ARHGEF6: variants seen among roughly 807,000 people sequenced by gnomAD.
The protein encoded by ARHGEF6 is rho guanine nucleotide exchange factor 6.
In ARHGEF6, 9 loss-of-function variants were observed where a neutral mutation model predicts 70.3. That is an observed-to-expected ratio of 0.13 (90% CI 0.08 to 0.22). The LOEUF is 0.22. ARHGEF6 is among the 10% of genes least tolerant of loss of function. ARHGEF6 has a pLI of 1.00. For missense variants in ARHGEF6, 470 were observed against 563.0 expected, an observed-to-expected ratio of 0.83 and a Z score of 1.67; for synonymous variants, 201 against 207.8, an observed-to-expected ratio of 0.97 and a Z score of 0.28.
Position 136,763,909 on chromosome X carries a change from A to G in ARHGEF6, c.249+15505T>C, listed in dbSNP as rs1160343196. On this transcript the variant is annotated intron_variant, in intron 2 of 21. Transcript: ENST00000250617. ...TCTGAGACTAGCAGATGTGTTCACA[A>G]AAAAAAACAAAGCAAGGGTGGACGA... is the stretch of plus-strand genomic sequence containing the variant. Among the ~76,000 whole-genome samples, 4 of 111,687 alleles carry G rather than the reference A, an allele frequency of 3.6e-5. No individual in the cohort carries two copies. In the Admixed American group the frequency reaches 3.8e-4, roughly 11 times the overall value.
chrX:136,759,056 C>T (rs2077239637), intron 2 of ARHGEF6, among the ~76,000 whole-genome samples: 2 of 112,060 alleles, frequency 1.8e-5, no homozygotes, highest in Non-Finnish European at 3.8e-5. Context: ...TGCCCCAATA[C>T]ACAACACACT....
intron 6 of ARHGEF6, among the ~76,000 whole-genome samples, chrX:136,718,418 G>A (rs185974911): frequency 3.4e-4 from 38 of 110,807 alleles, no homozygotes; most frequent in African/African-American, 9.1e-4. Context: ...CAGTGGAAGC[G>A]TTCTCCCTTC....
intron 10 of ARHGEF6, among the ~76,000 whole-genome samples, chrX:136,688,974 G>A (rs1429456109): frequency 9.0e-6 from 1 of 111,335 alleles, no homozygotes; most frequent in Non-Finnish European, 1.9e-5. Context: ...TAGGGGATAT[G>A]TCCTTTGGAA....
intron 6 of ARHGEF6, among the ~76,000 whole-genome samples, chrX:136,718,908 AGTTGTAAACTATT>A (rs1451720187): frequency 9.3e-6 from 1 of 107,444 alleles, no homozygotes; most frequent in Non-Finnish European, 1.9e-5. Context: ...AGGCCATCAT[AGTTGTAAACTATT>A]GTTGTAAACT....
chrX:136,688,955 AT>A lies in ARHGEF6; in HGVS notation c.1186-965del, dbSNP rs754764181. Among the ~76,000 whole-genome samples the A allele has an allele frequency of 1.3e-4, 14 of 111,328 alleles. No individual in the cohort carries two copies. The South Asian group carries it at 5.1e-3, about 40-fold the overall frequency. On this transcript the variant is annotated intron_variant, in intron 10 of 21. Transcript: ENST00000250617. Reference sequence around the variant, plus strand: ...TCTTATGGGTAGATGTGCACCTAACATTGGGGCATAGGGGATATGTCCTTTG... The same window carrying A: ...TCTTATGGGTAGATGTGCACCTAACATGGGGCATAGGGGATATGTCCTTTG...
At chrX:136,670,157 C>T (rs1006035618) in intron 20 of ARHGEF6, among the ~76,000 whole-genome samples, 26 of 111,989 alleles carry the variant, frequency 2.3e-4, no homozygotes, top group Admixed American at 7.5e-4. Flanking sequence ...ATAACCAATG[C>T]ACATCTTCCC....
At chrX:136,739,758 T>C (rs1471214570) in intron 5 of ARHGEF6, among the ~76,000 whole-genome samples, 1 of 110,544 alleles carries the variant, frequency 9.0e-6, no homozygotes, top group Non-Finnish European at 1.9e-5. Context: ...CTGAAGGAGA[T>C]GAGGGAGCCA....
At chrX:136,734,264 G>A (rs1241112473) in intron 5 of ARHGEF6, among the ~76,000 whole-genome samples, 1 of 111,572 alleles carries the variant, frequency 9.0e-6, no homozygotes, top group African/African-American at 3.3e-5. Flanking sequence ...ATCCACTGGT[G>A]GTTCATAAGG....
intron 20 of ARHGEF6, 144 bp from the exon 21 acceptor site, chrX:136,669,680 A>C (rs1033565160): frequency 2.0e-5 from 10 of 489,334 alleles, no homozygotes; most frequent in African/African-American, 1.9e-4. Context: ...ACTGCTCTAA[A>C]TGGTTTCCAT....
chrX:136,744,199 C>A (rs1008722737), intron 4 of ARHGEF6, among the ~76,000 whole-genome samples: 1 of 111,999 alleles, frequency 8.9e-6, no homozygotes, highest in African/African-American at 3.2e-5. Context: ...AACCTACCCT[C>A]CATAAAATCT....
At chrX:136,677,594 T>C (rs1408962673) in intron 17 of ARHGEF6, among the ~76,000 whole-genome samples, 3 of 111,506 alleles carry the variant, frequency 2.7e-5, no homozygotes, top group Non-Finnish European at 5.6e-5. Flanking sequence ...CTTAAAAATA[T>C]AGGAAACAAA....
chrX:136,669,664 A>G, intron 20 of ARHGEF6, 128 bp from the exon 21 acceptor site: 1 of 545,727 alleles, frequency 1.8e-6, no homozygotes, highest in Non-Finnish European at 3.2e-6. Context: ...GCTGATTGGG[A>G]ATGGTACTGC....
intron 9 of ARHGEF6, among the ~76,000 whole-genome samples, chrX:136,706,196 G>A (rs955580307): frequency 8.9e-6 from 1 of 111,968 alleles, no homozygotes; most frequent in Non-Finnish European, 1.9e-5. Flanking sequence ...CAGGAGAGGT[G>A]TAACACTTAT....
At chrX:136,731,608 C>T (rs190284336) in intron 6 of ARHGEF6, among the ~76,000 whole-genome samples, 2 of 112,335 alleles carry the variant, frequency 1.8e-5, no homozygotes, top group Non-Finnish European at 3.8e-5. Context: ...TAAGCCAGAG[C>T]CATGTCATTC....
At chrX:136,767,684 C>A in intron 2 of ARHGEF6, 1 of 754,511 alleles carries the variant, frequency 1.3e-6, no homozygotes, top group Middle Eastern at 7.6e-4. Context: ...TTCTCCAGAC[C>A]ACGCTCAGCT....
Position 136,681,904 on chromosome X carries a change from G to A in ARHGEF6, c.1544C>T (p.Thr515Ile), listed in dbSNP as rs766658708. 8.3e-7 allele frequency: 1 copy of A among 1,205,806 alleles called. No homozygotes were observed. The highest frequency in any genetic ancestry group is 3.0e-5 in the East Asian group (1 of 33,835). Residue 515 changes from threonine to isoleucine, a missense_variant, in exon 14 of 22, where the codon ACA (threonine) becomes ATA (isoleucine). Thr to Ile is a moderately conservative substitution (Grantham distance 89, BLOSUM62 -1). Around this residue, in one of 3 missense-constraint regions of ARHGEF6, gnomAD observed 379 missense variants for 449.3 expected, o/e 0.84. Coordinates refer to ENST00000250617, the MANE Select transcript of ARHGEF6 (RefSeq NM_004840.3). ...AAATTACCTACCAGTGATTTCAAAT[G>A]TGCAGTCATTCCCTTCAATTTCATC... is the stretch of plus-strand genomic sequence containing the variant. ...RLDEIEGNDC[T>I]FEITGNTVER... is the part of the protein sequence containing the mutation.
At chrX:136,690,803 T>G in intron 9 of ARHGEF6, 55 bp from the exon 10 acceptor site, 4 of 1,139,270 alleles carry the variant, frequency 3.5e-6, no homozygotes, top group Non-Finnish European at 4.8e-6. Flanking sequence ...TGTAAAGAAT[T>G]ATCAACCTAA....
chrX:136,712,860 T>C (rs2076700864), intron 7 of ARHGEF6, among the ~76,000 whole-genome samples: 2 of 112,358 alleles, frequency 1.8e-5, no homozygotes, highest in Non-Finnish European at 3.8e-5. Context: ...AATGCCATAC[T>C]CTTTCCATTC....
chrX:136,731,024 G>C (rs144985939), intron 6 of ARHGEF6, among the ~76,000 whole-genome samples: 1 of 111,719 alleles, frequency 9.0e-6, no homozygotes, highest in African/African-American at 3.2e-5. Context: ...AAAGCTAAAA[G>C]AATTGGTCAG....
Sources: gnomAD v4.1 joint callset for allele counts (sites outside exome capture counted in the v4.1 genomes callset) on GRCh38, gnomAD v4.1.1 for gene constraint, gnomAD v4.1.1 regional missense constraint, MANE v1.5 for transcripts, NCBI Gene and HGNC (gene_info 2026-07-23, HGNC 2026-07-21) for gene names.